The following RPS6KA3 variants were observed in gnomAD, a reference collection of about 807,000 sequenced individuals.
The protein encoded by RPS6KA3 is ribosomal protein S6 kinase alpha-3.
Under a neutral mutation model 67.2 loss-of-function variants are expected in RPS6KA3, and 4 were observed. That is an observed-to-expected ratio of 0.06 (90% CI 0.03 to 0.14). The LOEUF is 0.14. Ranked by LOEUF, RPS6KA3 falls within the 10% of genes least tolerant of loss-of-function variation. RPS6KA3 has a pLI of 1.00. For missense variants in RPS6KA3, 204 were observed against 559.0 expected (o/e 0.36, Z 6.40); for synonymous variants, 182 against 183.7 (o/e 0.99, Z 0.07).
At chrX:20,221,523 T>C (rs957442004) in intron 2 of RPS6KA3, among the ~76,000 whole-genome samples, 3 of 111,987 alleles carry the variant, frequency 2.7e-5, no homozygotes, top group Admixed American at 1.9e-4. Flanking sequence ...CTACACATAG[T>C]ATCACTTTTT....
chrX:20,235,672 C>T lies in RPS6KA3; in HGVS notation c.70-858G>A, dbSNP rs928726952. On this transcript the variant is annotated intron_variant, in intron 1 of 21. Transcript: ENST00000379565. The stretch of plus-strand genomic sequence containing the variant: ...AAAACAAAAAACCATTCAGTATTAA[C>T]GAGGGTACGGGGGAGAGAGCACTCT... Among the ~76,000 whole-genome samples, 4 of 111,055 alleles carry T rather than the reference C, an allele frequency of 3.6e-5. No individual in the cohort carries two copies. In the East Asian group the frequency reaches 8.4e-4, roughly 23 times the overall value.
At chrX:20,176,928 T>A in intron 11 of RPS6KA3, 68 bp downstream of exon 11, 1 of 807,354 alleles carries the variant, frequency 1.2e-6, no homozygotes, top group Non-Finnish European at 1.9e-6. Flanking sequence ...ACAAAACAAA[T>A]ATCTACTCCC....
chrX:20,174,900 G>A (rs761757645), intron 14 of RPS6KA3, among the ~76,000 whole-genome samples: 7 of 110,777 alleles, frequency 6.3e-5, no homozygotes, highest in South Asian at 7.7e-4. Flanking sequence ...TTACAGGCAC[G>A]TGCCACTATG....
At chrX:20,190,483 C>A (rs1375143510) in intron 7 of RPS6KA3, among the ~76,000 whole-genome samples, 2 of 111,949 alleles carry the variant, frequency 1.8e-5, no homozygotes, top group Non-Finnish European at 3.8e-5. Context: ...AGCCTTGAGA[C>A]AGGGCTCATA....
At chrX:20,260,093 T>C (rs1361205282) in intron 1 of RPS6KA3, among the ~76,000 whole-genome samples, 3 of 111,557 alleles carry the variant, frequency 2.7e-5, no homozygotes, top group Non-Finnish European at 5.7e-5. Context: ...GACATATTAA[T>C]TTCCTTCCCT....
At chrX:20,160,964 A>AT (rs768006073) in intron 20 of RPS6KA3, among the ~76,000 whole-genome samples, 61 of 108,779 alleles carry the variant, frequency 5.6e-4, no homozygotes, top group Middle Eastern at 9.5e-3. Flanking sequence ...AAAAAACTTC[A>AT]TTTTTTTTTT....
chrX:20,181,325 C>T (rs778403423), intron 10 of RPS6KA3, among the ~76,000 whole-genome samples: 7 of 109,645 alleles, frequency 6.4e-5, no homozygotes, highest in Admixed American at 9.8e-5. Context: ...TAAAAGAGAC[C>T]AAAAGGGGAA....
At chrX:20,247,133 T>C (rs938973078) in intron 1 of RPS6KA3, among the ~76,000 whole-genome samples, 4 of 112,370 alleles carry the variant, frequency 3.6e-5, no homozygotes, top group Admixed American at 2.8e-4. Context: ...ATAAAGAGTA[T>C]TAATAGGAAT....
rs774597563 is a variant in RPS6KA3, at chrX:20,165,491, T to C, written c.1603-431A>G. Among the ~76,000 whole-genome samples the C allele has an allele frequency of 3.5e-4, 39 of 111,274 alleles. 2 individuals are homozygous for C. Among genetic ancestry groups the C allele is most frequent in the Admixed American group, 2.5e-3 (26 of 10,371 alleles). On this transcript the variant is annotated intron_variant, in intron 17 of 21. Coordinates refer to ENST00000379565, the MANE Select transcript of RPS6KA3 (RefSeq NM_004586.3). ...GTTCTGGGGGAAGCAGAGAATAGGT[T>C]GAGAGATGGGACATAACTAGGGAGG...
intron 7 of RPS6KA3, among the ~76,000 whole-genome samples, chrX:20,190,353 A>C (rs758355254): frequency 1.8e-5 from 2 of 112,152 alleles, no homozygotes; most frequent in African/African-American, 3.2e-5. Context: ...CAAGTTCTGT[A>C]TGATGGTATT....
At chrX:20,248,385 A>AT (rs2069760981) in intron 1 of RPS6KA3, among the ~76,000 whole-genome samples, 1 of 112,538 alleles carries the variant, frequency 8.9e-6, no homozygotes. Flanking sequence ...GTTTGAGATG[A>AT]TTTTTTTAAG....
Position 20,198,340 on chromosome X carries a change from C to A in RPS6KA3, c.326-3195G>T, listed in dbSNP as rs189148098. ...ATAAGCAAATTCTTGTCATTGAAAT[C>A]TTTCCAATCAGCTTTCTAGCACCCG... On this transcript the variant is annotated intron_variant, in intron 4 of 21. Coordinates refer to ENST00000379565, the MANE Select transcript of RPS6KA3 (RefSeq NM_004586.3). Among the ~76,000 whole-genome samples, 102 of 112,144 alleles carry A rather than the reference C, an allele frequency of 9.1e-4. 1 individual carries two copies. Among genetic ancestry groups the A allele is most frequent in the African/African-American group, 3.0e-3 (93 of 30,883 alleles).
Position 20,156,934 on chromosome X carries a change from T to G in RPS6KA3, c.1960-685A>C, listed in dbSNP as rs192666139. 1.3e-4 allele frequency among the ~76,000 whole-genome samples: 14 copies of G among 111,474 alleles called. No homozygotes were observed. In the East Asian group the frequency reaches 3.6e-3, roughly 29 times the overall value. On this transcript the variant is annotated intron_variant, in intron 20 of 21. Transcript: ENST00000379565. ...TGAATGTCCAATAACAGGAATTTAA[T>G]TGGAGGGCTCTAAATGCCCCCTGAA...
intron 1 of RPS6KA3, among the ~76,000 whole-genome samples, chrX:20,261,610 T>C (rs2070232097): frequency 8.9e-6 from 1 of 112,451 alleles, no homozygotes; most frequent in African/African-American, 3.2e-5. Context: ...AAAATAATCA[T>C]AATGTGCTAT....
chrX:20,185,105 C>T (rs1334205454), intron 10 of RPS6KA3, among the ~76,000 whole-genome samples: 1 of 110,894 alleles, frequency 9.0e-6, no homozygotes, highest in Non-Finnish European at 1.9e-5. Context: ...GCTACCATGC[C>T]CGAATAATTT....
chrX:20,231,177 C>T (rs140259357), intron 2 of RPS6KA3, among the ~76,000 whole-genome samples: 16 of 110,677 alleles, frequency 1.4e-4, no homozygotes, highest in South Asian at 3.9e-4. Flanking sequence ...AGGGTGGTCT[C>T]GAACTCCTGG....
intron 2 of RPS6KA3, among the ~76,000 whole-genome samples, chrX:20,215,155 T>C (rs2068818985): frequency 9.0e-6 from 1 of 111,491 alleles, no homozygotes; most frequent in Non-Finnish European, 1.9e-5. Flanking sequence ...CCCACTTTCA[T>C]ACTAAATTTT....
intron 1 of RPS6KA3, among the ~76,000 whole-genome samples, chrX:20,249,957 T>C (rs992944819): frequency 8.9e-5 from 10 of 112,227 alleles, no homozygotes; most frequent in East Asian, 5.5e-4. Context: ...TTGAGACTTA[T>C]TGTTTTACCT....
chrX:20,198,896 G>A (rs940977269), intron 4 of RPS6KA3, among the ~76,000 whole-genome samples: 1 of 110,770 alleles, frequency 9.0e-6, no homozygotes, highest in African/African-American at 3.3e-5. Flanking sequence ...TTTTGAGATG[G>A]AGTCTTGCCC....
Sources: allele counts gnomAD v4.1 joint callset (sites outside exome capture counted in the v4.1 genomes callset), GRCh38; gene constraint gnomAD v4.1.1; transcripts MANE v1.5; gene names NCBI Gene and HGNC (gene_info 2026-07-23, HGNC 2026-07-21).